Variants in SLC4A7 observed in about 807,000 individuals in gnomAD.
SLC4A7 encodes the protein sodium bicarbonate cotransporter 3.
A neutral mutation model predicts 137.6 loss-of-function variants in SLC4A7; 51 were observed. That is an observed-to-expected ratio of 0.37 (90% CI 0.30 to 0.47). SLC4A7 has a LOEUF of 0.47. Among genes scored for constraint, SLC4A7 ranks in the 20% least tolerant of loss-of-function variants. The probability of loss-of-function intolerance (pLI) is 1.00; values close to 1 mark genes in which losing one functional copy is unlikely to be tolerated. For synonymous variants in SLC4A7, 542 were observed against 518.6 expected (o/e 1.05, Z -0.61); for missense variants, 1,247 against 1,525.4 (o/e 0.82, Z 3.04).
At position 27,409,491 on chromosome 3, in the gene SLC4A7, T is replaced by C; in HGVS notation, c.1806A>G (p.Ala602=). 6.2e-7 allele frequency: 1 copy of C among 1,613,322 alleles called. No homozygotes were observed. Among genetic ancestry groups the C allele is most frequent in the Non-Finnish European group, 8.5e-7 (1 of 1,179,704 alleles). Residue 602 remains alanine, a synonymous_variant, in exon 13 of 26, where the codon GCA becomes GCG. Coordinates refer to ENST00000454389, the MANE Select transcript of SLC4A7 (RefSeq NM_001321103.2). ...CCTTGAAGTCACTCAAGAAAAAAGG[T>C]GCTTTCCTTTTGATGTCAAGTATCA... ...GGLILDIKRK[A]PFFLSDFKDA...
chr3:27,481,341 T>C (rs1195813329), intron 1 of SLC4A7, among the ~76,000 whole-genome samples: 1 of 152,250 alleles, frequency 6.6e-6, no homozygotes, highest in East Asian at 1.9e-4. Flanking sequence ...CCATAGAGGC[T>C]AAACTATGAA....
At chr3:27,424,850 A>G (rs1371905142) in intron 7 of SLC4A7, among the ~76,000 whole-genome samples, 3 of 152,008 alleles carry the variant, frequency 2.0e-5, no homozygotes, top group Admixed American at 2.0e-4. Context: ...ACTGTAAGAA[A>G]CTCACTCCAT....
chr3:27,436,356 T>C, intron 5 of SLC4A7, 32 bp downstream of exon 5: 1 of 1,554,172 alleles, frequency 6.4e-7, no homozygotes, highest in Non-Finnish European at 8.8e-7. Context: ...CACTACACCT[T>C]ACATATTTTT....
intron 13 of SLC4A7, among the ~76,000 whole-genome samples, chr3:27,405,596 G>T (rs2053259861): frequency 6.6e-6 from 1 of 152,026 alleles, no homozygotes; most frequent in Non-Finnish European, 1.5e-5. Flanking sequence ...CTACAAAAAA[G>T]AACTGCTATA....
intron 23 of SLC4A7, 29 bp downstream of exon 23, chr3:27,385,863 G>T (rs1455971072): frequency 3.5e-6 from 5 of 1,420,454 alleles, no homozygotes; most frequent in African/African-American, 2.9e-5. Context: ...TAAGGAAGTG[G>T]TGTAAGTTTA....
At chr3:27,441,673 T>C (rs55988870) in intron 3 of SLC4A7, among the ~76,000 whole-genome samples, 53,390 of 151,760 alleles carry the variant, frequency 0.35, 9,869 homozygotes, top group East Asian at 0.74. Flanking sequence ...TTTTTTGTAG[T>C]GACAGGGTTT....
At chr3:27,430,795 G>A (rs1413698836) in intron 7 of SLC4A7, among the ~76,000 whole-genome samples, 1 of 150,224 alleles carries the variant, frequency 6.7e-6, no homozygotes, top group Non-Finnish European at 1.5e-5. Flanking sequence ...TCACACCACT[G>A]CACTCCAGCC....
chr3:27,385,658 G>A (rs948848191), intron 23 of SLC4A7, among the ~76,000 whole-genome samples: 1 of 152,060 alleles, frequency 6.6e-6, no homozygotes, highest in African/African-American at 2.4e-5. Context: ...GAGCTATGGA[G>A]GTACAACACA....
chr3:27,426,983 ATTTTCTTTAAAT>A (rs2055701504), intron 7 of SLC4A7, among the ~76,000 whole-genome samples: 1 of 152,202 alleles, frequency 6.6e-6, no homozygotes, highest in African/African-American at 2.4e-5. Flanking sequence ...AGATATCAGC[ATTTTCTTTAAAT>A]TTTTCTTTAA....
chr3:27,457,688 A>T (rs1291256726), intron 1 of SLC4A7, among the ~76,000 whole-genome samples: 2 of 152,190 alleles, frequency 1.3e-5, no homozygotes, highest in Admixed American at 1.3e-4. Context: ...TTTGGAATGT[A>T]TGTGTTCACA....
rs758537710 is a variant in SLC4A7, at chr3:27,431,637, G to A, written c.811C>T (p.Arg271Ter). ...AGGTTTGAGGCAGACAGACCTGTTC[G>A]CAAAGAGTGGCGGGAGGCTGAAAGG... ...EGLSASRHSL[R>*]TGLSASNLSL... Residue 271 changes from arginine to a stop codon, truncating the protein, a stop_gained, in exon 7 of 26, where the codon CGA becomes TGA. Coordinates refer to ENST00000454389, the MANE Select transcript of SLC4A7 (RefSeq NM_001321103.2). LOFTEE classifies it high-confidence loss of function. The A allele has an allele frequency of 8.8e-6, 14 of 1,595,654 alleles. No individual in the cohort carries two copies. The highest frequency in any genetic ancestry group is 4.0e-5 in the African/African-American group (3 of 74,224).
intron 3 of SLC4A7, among the ~76,000 whole-genome samples, chr3:27,446,150 C>CCTACATAAGA (rs1374472714): frequency 1.3e-5 from 2 of 150,484 alleles, no homozygotes; most frequent in East Asian, 3.9e-4. Flanking sequence ...AAAAATCATA[C>CCTACATAAGA]TGTACACCTT....
intron 24 of SLC4A7, among the ~76,000 whole-genome samples, chr3:27,382,651 C>T (rs1297967160): frequency 6.6e-6 from 1 of 152,152 alleles, no homozygotes; most frequent in Admixed American, 6.5e-5. Flanking sequence ...CAAATCACAT[C>T]TTTGAAAACT....
At chr3:27,477,118 A>G (rs888507827) in intron 1 of SLC4A7, among the ~76,000 whole-genome samples, 41 of 152,260 alleles carry the variant, frequency 2.7e-4, no homozygotes, top group African/African-American at 9.2e-4. Flanking sequence ...CTGAATTAAT[A>G]ACTTCAGCAT....
At chr3:27,463,103 C>A (rs746805465) in intron 1 of SLC4A7, among the ~76,000 whole-genome samples, 1 of 151,118 alleles carries the variant, frequency 6.6e-6, no homozygotes. Context: ...CCAGCCTGGC[C>A]AACATGGCGA....
At chr3:27,455,023 A>G (rs1217078324) in intron 1 of SLC4A7, among the ~76,000 whole-genome samples, 1 of 149,916 alleles carries the variant, frequency 6.7e-6, no homozygotes, top group Non-Finnish European at 1.5e-5. Context: ...AAAAAAAAAA[A>G]GAGCACATCC....
At chr3:27,380,083 C>A (rs1053668382) in intron 24 of SLC4A7, among the ~76,000 whole-genome samples, 1 of 152,060 alleles carries the variant, frequency 6.6e-6, no homozygotes, top group African/African-American at 2.4e-5. Flanking sequence ...CCAAGGCGGG[C>A]GGATCACGAG....
chr3:27,467,228 T>G (rs923459944), intron 1 of SLC4A7, among the ~76,000 whole-genome samples: 2 of 152,180 alleles, frequency 1.3e-5, no homozygotes, highest in African/African-American at 4.8e-5. Flanking sequence ...AAACTCCTTA[T>G]GGTAACACAG....
intron 22 of SLC4A7, among the ~76,000 whole-genome samples, chr3:27,387,114 A>G (rs572910406): frequency 4.6e-5 from 7 of 152,278 alleles, no homozygotes; most frequent in Admixed American, 2.0e-4. Flanking sequence ...ACTTGTCAGC[A>G]ATTTTTAAAT....
Sources: gnomAD v4.1 joint callset for allele counts (sites outside exome capture counted in the v4.1 genomes callset) on GRCh38, gnomAD v4.1.1 for gene constraint, MANE v1.5 for transcripts, NCBI Gene and HGNC (gene_info 2026-07-23, HGNC 2026-07-21) for gene names.